The following WDR91 variants were observed in gnomAD, a reference collection of about 807,000 sequenced individuals.
WDR91 encodes the protein WD repeat domain 91.
A neutral mutation model predicts 88.4 loss-of-function variants in WDR91; 52 were observed. That is an observed-to-expected ratio of 0.59 (90% CI 0.47 to 0.74). The LOEUF (loss-of-function observed/expected upper bound fraction) is 0.74, where lower values mean the gene tolerates loss of function less well. WDR91 is among the 30% of genes least tolerant of loss of function. The pLI is 0.00. For missense variants in WDR91, 824 were observed against 954.5 expected (o/e 0.86, Z 1.80); for synonymous variants, 362 against 389.5 (o/e 0.93, Z 0.83).
intron 1 of WDR91, 136 bp from the exon 2 acceptor site, chr7:135,209,891 C>T (rs1831949931): frequency 8.8e-6 from 6 of 684,038 alleles, no homozygotes; most frequent in Non-Finnish European, 1.3e-5. Context: ...ATAAAATTTT[C>T]AAAACATACT....
At chr7:135,195,416 GC>G (rs761470753) in intron 8 of WDR91, among the ~76,000 whole-genome samples, 1 of 152,338 alleles carries the variant, frequency 6.6e-6, no homozygotes, top group East Asian at 1.9e-4. Flanking sequence ...CAGCCCAAGG[GC>G]CCCAAGAGCC....
At chr7:135,201,511 G>A (rs1239372922) in intron 6 of WDR91, 1 of 152,126 alleles carries the variant, frequency 6.6e-6, no homozygotes, top group African/African-American at 2.4e-5. Flanking sequence ...AATGACAACA[G>A]GTACAGCAAC....
At chr7:135,208,333 G>A (rs182938165) in intron 3 of WDR91, among the ~76,000 whole-genome samples, 3 of 152,332 alleles carry the variant, frequency 2.0e-5, no homozygotes, top group Admixed American at 6.5e-5. Context: ...GAACACTGAA[G>A]TTACTATTAG....
intron 8 of WDR91, 109 bp from the exon 9 acceptor site, chr7:135,195,193 A>C (rs1326965797): frequency 3.0e-5 from 36 of 1,200,688 alleles, no homozygotes; most frequent in Non-Finnish European, 3.5e-6. Flanking sequence ...TTAAAAAAAC[A>C]ATCCCTAGAG....
chr7:135,202,278 T>C, intron 6 of WDR91: 1 of 152,236 alleles, frequency 6.6e-6, no homozygotes, highest in Admixed American at 6.5e-5. Context: ...TCTGTGATTT[T>C]CTTGAACCTC....
At chr7:135,191,033 C>G (rs1325488105) in intron 11 of WDR91, among the ~76,000 whole-genome samples, 3 of 152,122 alleles carry the variant, frequency 2.0e-5, no homozygotes, top group Admixed American at 2.0e-4. Context: ...ACCAGAAAAT[C>G]CACATCCAGA....
intron 11 of WDR91, 64 bp from the exon 12 acceptor site, chr7:135,189,516 C>T: frequency 1.5e-6 from 2 of 1,359,486 alleles, no homozygotes; most frequent in Non-Finnish European, 2.1e-6. Context: ...GCTGCTTATT[C>T]CAATGCAGAC....
intron 11 of WDR91, among the ~76,000 whole-genome samples, chr7:135,191,269 G>A (rs959522996): frequency 1.3e-5 from 2 of 152,194 alleles, no homozygotes; most frequent in South Asian, 4.1e-4. Flanking sequence ...CAAAAATTCG[G>A]TTGTTTAGGG....
At chr7:135,187,870 TAGAC>T (rs1247078354) in intron 13 of WDR91, among the ~76,000 whole-genome samples, 3 of 152,184 alleles carry the variant, frequency 2.0e-5, no homozygotes, top group Admixed American at 1.3e-4. Flanking sequence ...GATAAAAAGA[TAGAC>T]AGTGTCCAAT....
intron 1 of WDR91, among the ~76,000 whole-genome samples, chr7:135,210,223 G>A (rs761379623): frequency 1.5e-4 from 23 of 152,148 alleles, no homozygotes; most frequent in Non-Finnish European, 2.5e-4. Context: ...GGTGGCACGC[G>A]CCTGTAATCC....
intron 6 of WDR91, among the ~76,000 whole-genome samples, chr7:135,200,852 TCA>T (rs1398341196): frequency 6.6e-6 from 1 of 152,150 alleles, no homozygotes; most frequent in Non-Finnish European, 1.5e-5. Context: ...TTCCAGAGCC[TCA>T]CAGAGCTTAC....
chr7:135,204,576 C>G, intron 5 of WDR91, 143 bp from the exon 6 acceptor site: 1 of 834,638 alleles, frequency 1.2e-6, no homozygotes, highest in Non-Finnish European at 1.8e-6. Flanking sequence ...GTGGTATTAT[C>G]CTTGGCATCA....
At chr7:135,186,496 C>T (rs1276769972) in intron 14 of WDR91, among the ~76,000 whole-genome samples, 181 bp from the exon 15 acceptor site, 1 of 152,222 alleles carries the variant, frequency 6.6e-6, no homozygotes, top group Non-Finnish European at 1.5e-5. Flanking sequence ...ACAGCTGGTC[C>T]ATCTGAAGTG....
chr7:135,206,623 C>G (rs979062525), intron 4 of WDR91, among the ~76,000 whole-genome samples: 5 of 151,988 alleles, frequency 3.3e-5, no homozygotes, highest in African/African-American at 1.2e-4. Flanking sequence ...AAATGTGGGT[C>G]CCCTGGCTCT....
intron 2 of WDR91, 31 bp downstream of exon 2, chr7:135,209,545 A>G (rs1225923042): frequency 2.0e-6 from 3 of 1,502,534 alleles, no homozygotes; most frequent in East Asian, 4.9e-5. Flanking sequence ...CCTTCCACCA[A>G]GGGAAGCAGA....
intron 6 of WDR91, among the ~76,000 whole-genome samples, chr7:135,201,150 C>T (rs1831553815): frequency 6.6e-6 from 1 of 152,132 alleles, no homozygotes; most frequent in Non-Finnish European, 1.5e-5. Context: ...TAAAAGTTAT[C>T]TCTATAATGA....
chr7:135,196,145 T>C lies in WDR91; in HGVS notation c.1243A>G (p.Arg415Gly). The C allele has an allele frequency of 5.3e-6, 8 of 1,523,736 alleles. No individual in the cohort carries two copies. The highest frequency in any genetic ancestry group is 7.1e-6 in the Non-Finnish European group (8 of 1,131,242). 94.4% of individuals were successfully genotyped at this position (1,523,736 alleles called of 1,614,324 possible). Reference protein sequence around the residue: ...GEHHSSIMHCRVDCSGRRVAS... With the variant: ...GEHHSSIMHCGVDCSGRRVAS... Reference sequence around the variant, plus strand: ...TCCTTGGCCCCAGGCCCAACCCACCTGCAGTGCATGATGGATGAGTGGTGT... The same window carrying C: ...TCCTTGGCCCCAGGCCCAACCCACCCGCAGTGCATGATGGATGAGTGGTGT... The change falls in exon 8 of 15, where the codon AGA becomes GGA. Residue 415 changes from arginine to glycine, a missense_variant and splice_region_variant. By Grantham distance (125) the Arg-to-Gly change is moderately radical. Coordinates refer to ENST00000354475, the MANE Select transcript of WDR91 (RefSeq NM_014149.4). The surrounding 1 kb of genome is among the most constrained non-coding windows in gnomAD (Gnocchi z 4.2).
Position 135,198,109 on chromosome 7 carries a change from T to TCC in WDR91, c.932_933dup (p.Lys312GlyfsTer67), listed in dbSNP as rs756103867. 6.2e-7 allele frequency: 1 copy of TCC among 1,613,846 alleles called. No homozygotes were observed. The highest frequency in any genetic ancestry group is 1.7e-5 in the Admixed American group (1 of 60,030). Reference sequence around the variant, plus strand: ...GTGGCCAGCCCGCTGAGGAGGCTCTTCCCATCCTTGGCTCCGGACGTCGGG... The same window carrying TCC: ...GTGGCCAGCCCGCTGAGGAGGCTCTTCCCCCATCCTTGGCTCCGGACGTCGGG... On this transcript the variant is annotated frameshift_variant, in exon 7 of 15. Coordinates refer to ENST00000354475, the MANE Select transcript of WDR91 (RefSeq NM_014149.4). LOFTEE classifies it high-confidence loss of function.
intron 5 of WDR91, 128 bp downstream of exon 5, chr7:135,205,800 C>T: frequency 1.5e-6 from 2 of 1,374,110 alleles, no homozygotes; most frequent in South Asian, 1.3e-5. Flanking sequence ...GCAGTGTGTG[C>T]CAGGAGGCTC....
Sources: allele counts gnomAD v4.1 joint callset (sites outside exome capture counted in the v4.1 genomes callset), GRCh38; gene constraint gnomAD v4.1.1; non-coding constraint Gnocchi (gnomAD v3.1); transcripts MANE v1.5; gene names NCBI Gene and HGNC (gene_info 2026-07-23, HGNC 2026-07-21).